Variants in DISC1 observed in about 807,000 individuals in gnomAD.
DISC1 encodes the protein DISC1 scaffold protein, also known as disrupted in schizophrenia 1 protein.
In DISC1, 57 loss-of-function variants were observed where a neutral mutation model predicts 84.5. The observed-to-expected ratio is 0.67, with a 90% CI of 0.55 to 0.84. The LOEUF (loss-of-function observed/expected upper bound fraction) is 0.84, where lower values mean the gene tolerates loss of function less well. Among genes scored for constraint, DISC1 ranks in the 40% least tolerant of loss-of-function variants. The pLI, the probability that DISC1 is intolerant of heterozygous loss-of-function variation, is 0.00. For synonymous variants in DISC1, 411 were observed against 415.2 expected (o/e 0.99, Z 0.12); for missense variants, 1,000 against 1,057.8 (o/e 0.95, Z 0.76).
intron 9 of DISC1, among the ~76,000 whole-genome samples, chr1:231,909,388 T>G (rs936182999): frequency 2.6e-5 from 4 of 152,254 alleles, no homozygotes; most frequent in Non-Finnish European, 5.9e-5. Context: ...GAAGGGCTGT[T>G]GAATTTTGTC....
At chr1:231,690,446 C>T (rs1354852522) in intron 1 of DISC1, among the ~76,000 whole-genome samples, 1 of 152,174 alleles carries the variant, frequency 6.6e-6, no homozygotes, top group Non-Finnish European at 1.5e-5. Flanking sequence ...AACCTGCCTG[C>T]ACTTTGGGCT....
At chr1:231,772,344 C>T (rs142506157) in intron 6 of DISC1, among the ~76,000 whole-genome samples, 154 of 152,196 alleles carry the variant, frequency 1.0e-3, no homozygotes, top group African/African-American at 3.5e-3. Context: ...GAGTGGCACC[C>T]GAATGGGTAG....
chr1:231,690,400 A>G (rs1361361883), intron 1 of DISC1, among the ~76,000 whole-genome samples: 1 of 152,192 alleles, frequency 6.6e-6, no homozygotes, highest in Non-Finnish European at 1.5e-5. Flanking sequence ...TTCACAGAGC[A>G]CAGAGGGCAC....
chr1:231,979,059 C>T (rs1181239480), intron 10 of DISC1, among the ~76,000 whole-genome samples: 1 of 152,122 alleles, frequency 6.6e-6, no homozygotes, highest in Non-Finnish European at 1.5e-5. Context: ...ATTATATTCT[C>T]CTAGGAGCCT....
intron 9 of DISC1, among the ~76,000 whole-genome samples, chr1:231,936,078 C>T (rs2090965891): frequency 6.6e-6 from 1 of 152,124 alleles, no homozygotes. Context: ...GAGGCAGCTG[C>T]AGGAAACGTC....
rs1670588003 is a variant in DISC1 at position 232,037,361 on chromosome 1, G to A, written c.*530G>A. ...CAGCTTTTCACCTTACTTCTCCTGT[G>A]ATCTAATATTATCTTAGAAAAATTA... On this transcript the variant is annotated 3_prime_UTR_variant, in exon 13 of 13. Transcript: ENST00000439617. 6.6e-6 allele frequency: 1 copy of A among 152,124 alleles called. No homozygotes were observed. Among genetic ancestry groups the A allele is most frequent in the African/African-American group, 2.4e-5 (1 of 41,416 alleles). 9.4% of individuals were successfully genotyped at this position (152,124 alleles called of 1,614,324 possible).
intron 6 of DISC1, among the ~76,000 whole-genome samples, chr1:231,792,292 G>A (rs1228840332): frequency 6.6e-6 from 1 of 152,104 alleles, no homozygotes; most frequent in Non-Finnish European, 1.5e-5. Context: ...TTCTTTCTGG[G>A]ATAGGGCCAG....
At chr1:231,641,599 G>T (rs1200018760) in intron 1 of DISC1, among the ~76,000 whole-genome samples, 1 of 152,214 alleles carries the variant, frequency 6.6e-6, no homozygotes, top group Non-Finnish European at 1.5e-5. Context: ...GCCGCTGCTG[G>T]CGCCTGCAGC....
At chr1:231,953,252 T>A (rs1287630704) in intron 9 of DISC1, among the ~76,000 whole-genome samples, 1 of 152,232 alleles carries the variant, frequency 6.6e-6, no homozygotes, top group East Asian at 1.9e-4. Context: ...CATTTGCGTA[T>A]GAGCAGACAA....
intron 9 of DISC1, among the ~76,000 whole-genome samples, chr1:231,846,238 G>A (rs2083441087): frequency 2.0e-5 from 3 of 152,184 alleles, no homozygotes; most frequent in African/African-American, 7.2e-5. Flanking sequence ...GCAGCTTTCA[G>A]AAGGAGCTGG....
chr1:232,019,223 T>C (rs1310548759), intron 11 of DISC1, among the ~76,000 whole-genome samples: 2 of 152,160 alleles, frequency 1.3e-5, no homozygotes, highest in African/African-American at 2.4e-5. Context: ...AAGTGGAATC[T>C]GCAGAGTTTT....
intron 4 of DISC1, among the ~76,000 whole-genome samples, chr1:231,757,982 C>T (rs527277013): frequency 1.0e-3 from 154 of 149,166 alleles, no homozygotes; most frequent in African/African-American, 3.5e-3. Flanking sequence ...CAGGTGTTCT[C>T]GGAACCTGTG....
At chr1:231,895,389 T>A (rs1363129171) in intron 9 of DISC1, among the ~76,000 whole-genome samples, 3 of 151,706 alleles carry the variant, frequency 2.0e-5, no homozygotes. Flanking sequence ...TATTTGTATA[T>A]TTCCCCCATA....
intron 1 of DISC1, among the ~76,000 whole-genome samples, chr1:231,637,913 T>C (rs1400668953): frequency 6.6e-6 from 1 of 152,246 alleles, no homozygotes; most frequent in Non-Finnish European, 1.5e-5. Context: ...TTGAGAAATC[T>C]CCATACTTTT....
At chr1:231,642,936 G>A (rs1237582887) in intron 1 of DISC1, among the ~76,000 whole-genome samples, 1 of 152,176 alleles carries the variant, frequency 6.6e-6, no homozygotes, top group African/African-American at 2.4e-5. Flanking sequence ...TAATAAAACC[G>A]TTATGAAAAT....
intron 3 of DISC1, among the ~76,000 whole-genome samples, chr1:231,747,903 A>G (rs1259513767): frequency 1.3e-5 from 2 of 152,046 alleles, no homozygotes; most frequent in East Asian, 1.9e-4. Flanking sequence ...ATCCTCTTCA[A>G]TTTCTTTCAT....
intron 10 of DISC1, among the ~76,000 whole-genome samples, chr1:231,996,071 T>A (rs1665910718): frequency 6.6e-6 from 1 of 152,252 alleles, no homozygotes; most frequent in Non-Finnish European, 1.5e-5. Context: ...TGGTTTTGAT[T>A]TGCATTTCTC....
At chr1:231,670,657 A>G (rs1036061863) in intron 1 of DISC1, 14 of 152,230 alleles carry the variant, frequency 9.2e-5, no homozygotes, top group Admixed American at 6.5e-4. Flanking sequence ...TCTTCAGATC[A>G]TATAAATCTT....
chr1:231,657,650 T>G (rs1383410332), intron 1 of DISC1, among the ~76,000 whole-genome samples: 1 of 152,226 alleles, frequency 6.6e-6, no homozygotes, highest in East Asian at 1.9e-4. Context: ...CTTGAATTGA[T>G]TTTTGCTTAA....
Sources: gnomAD v4.1 joint callset for allele counts (sites outside exome capture counted in the v4.1 genomes callset) on GRCh38, gnomAD v4.1.1 for gene constraint, MANE v1.5 for transcripts, NCBI Gene and HGNC (gene_info 2026-07-23, HGNC 2026-07-21) for gene names.